The following ETFRF1 variants were observed in gnomAD, a reference collection of about 807,000 sequenced individuals.
ETFRF1 encodes LYR motif containing 5.
In ETFRF1, 12 loss-of-function variants were observed where a neutral mutation model predicts 9.0. The ratio of observed to expected loss-of-function variants is 1.34; its 90% CI spans 0.86 to 2.16. The LOEUF (loss-of-function observed/expected upper bound fraction) is 2.16. ETFRF1 is among the 30% of genes most tolerant of loss of function. ETFRF1 has a pLI of 0.00. For missense variants in ETFRF1, 98 were observed against 101.8 expected, an observed-to-expected ratio of 0.96 and a Z score of 0.16; for synonymous variants, 34 against 33.2, an observed-to-expected ratio of 1.02 and a Z score of -0.08.
At chr12:25,202,561 G>T (rs1354917914) in intron 1 of ETFRF1, among the ~76,000 whole-genome samples, 3 of 152,088 alleles carry the variant, frequency 2.0e-5, no homozygotes, top group Admixed American at 2.0e-4. Flanking sequence ...TTGAGCCCAA[G>T]AAGGGTAGGT....
chr12:25,204,725 A>AT lies in ETFRF1; in HGVS notation c.*419dup, dbSNP rs375424403. The AT allele has an allele frequency of 4.0e-3, 744 of 183,842 alleles. 9 individuals are homozygous for AT. Among genetic ancestry groups the AT allele is most frequent in the African/African-American group, 0.017 (706 of 42,676 alleles). 11.4% of individuals were successfully genotyped at this position (183,842 alleles called of 1,614,324 possible). A position where few individuals can be genotyped will look rare whatever the true frequency, so the allele number is the denominator to read the frequency against. On this transcript the variant is annotated 3_prime_UTR_variant, in exon 3 of 3. Coordinates refer to ENST00000381356, the MANE Select transcript of ETFRF1 (RefSeq NM_001001660.3). ...TCTTAACTTTTGAAAGGAATCCCTT[A>AT]TTTTTTCACCCAATTTGGTATATTA...
chr12:25,200,211 TA>T (rs137955248), intron 1 of ETFRF1, among the ~76,000 whole-genome samples: 9,443 of 147,412 alleles, frequency 0.064, 388 homozygotes, highest in Non-Finnish European at 0.095. Context: ...ACTCCATGCT[TA>T]AAAAAAAAAG....
At chr12:25,195,396 G>A (rs747016281) in intron 1 of ETFRF1, 59 bp downstream of exon 1, 57 of 553,560 alleles carry the variant, frequency 1.0e-4, no homozygotes, top group Non-Finnish European at 1.7e-4. Context: ...GGGGTCTGGA[G>A]GCGAAATATG....
chr12:25,195,707 G>C (rs1418101280), intron 1 of ETFRF1: 1 of 153,318 alleles, frequency 6.5e-6, no homozygotes, highest in Non-Finnish European at 1.5e-5. Context: ...TTTCTGTGCA[G>C]CGTACGCGTC....
Position 25,201,369 on chromosome 12 carries a change from T to C in ETFRF1, c.-37-2551T>C, listed in dbSNP as rs909940273. The stretch of plus-strand genomic sequence containing the variant: ...TGTTTGGCTTTAATTAACAGCAGCA[T>C]TGTTGCCCTTTTCCTTGCTAGATTC... On this transcript the variant is annotated intron_variant, in intron 1 of 2. Transcript: ENST00000381356. Among the ~76,000 whole-genome samples the C allele has an allele frequency of 7.2e-5, 11 of 152,308 alleles. No homozygotes were observed. The East Asian group carries it at 7.7e-4, about 11-fold the overall frequency.
intron 1 of ETFRF1, among the ~76,000 whole-genome samples, chr12:25,200,475 A>G (rs996064012): frequency 1.3e-5 from 2 of 152,238 alleles, no homozygotes; most frequent in Non-Finnish European, 2.9e-5. Flanking sequence ...ATCTTCATGG[A>G]GAAGATTCTG....
Position 25,204,225 on chromosome 12 carries a change from A to T in ETFRF1, c.186A>T (p.Val62=). 6 of 1,612,340 alleles carry T rather than the reference A, an allele frequency of 3.7e-6. No individual in the cohort carries two copies. The highest frequency in any genetic ancestry group is 5.1e-6 in the Non-Finnish European group (6 of 1,179,408). Residue 62 remains valine (V), a synonymous_variant, in exon 3 of 3, where the codon GTA becomes GTT. Transcript: ENST00000381356. ...AACTTATTGCACAGGGCGAATTTGT[A>T]ATGAAAGAGCTAGAAGCTTTGTACT... ...IKELIAQGEF[V]MKELEALYFL...
intron 1 of ETFRF1, among the ~76,000 whole-genome samples, chr12:25,197,262 G>A (rs2141465778): frequency 6.6e-6 from 1 of 152,224 alleles, no homozygotes; most frequent in Middle Eastern, 3.4e-3. Context: ...AGTGTTTTAT[G>A]ATACATAATT....
rs1372580810 is a variant in ETFRF1 at position 25,195,262 on chromosome 12, A to G, written c.-113A>G. 1.1e-5 allele frequency: 7 copies of G among 660,458 alleles called. No individual in the cohort carries two copies. Among genetic ancestry groups the G allele is most frequent in the Admixed American group, 4.6e-5 (2 of 43,854 alleles). The allele number at this position is 660,458 out of a possible 1,614,324, so 40.9% of individuals were successfully genotyped here. A position where few individuals can be genotyped will look rare whatever the true frequency, so the allele number is the denominator to read the frequency against. ...ACTGACAGGTTGCCCACCTCCCCCA[A>G]CGCCACCCCGCTTCGCAGTAGACGG... On this transcript the variant is annotated 5_prime_UTR_variant, in exon 1 of 3. Coordinates refer to ENST00000381356, the MANE Select transcript of ETFRF1 (RefSeq NM_001001660.3).
At chr12:25,200,355 A>T (rs1320953893) in intron 1 of ETFRF1, among the ~76,000 whole-genome samples, 1 of 152,206 alleles carries the variant, frequency 6.6e-6, no homozygotes, top group Non-Finnish European at 1.5e-5. Context: ...ATCATTTAAA[A>T]TTTTTTCCCA....
chr12:25,204,144 T>TC lies in ETFRF1; in HGVS notation c.105_106insC (p.Lys37GlufsTer6). On this transcript the variant is annotated frameshift_variant, in exon 3 of 3. Coordinates refer to ENST00000381356, the MANE Select transcript of ETFRF1 (RefSeq NM_001001660.3). ...AAGGAGCAGACTATTTTAAAAAGCG[T>TC]TTGAAGAACATTTTCCTTAAAAACA... 6.2e-7 allele frequency: 1 copy of TC among 1,610,944 alleles called. No individual in the cohort carries two copies. Among genetic ancestry groups the TC allele is most frequent in the Admixed American group, 1.7e-5 (1 of 59,502 alleles).
intron 1 of ETFRF1, among the ~76,000 whole-genome samples, chr12:25,203,382 T>C (rs945310099): frequency 6.6e-6 from 1 of 152,224 alleles, no homozygotes; most frequent in Non-Finnish European, 1.5e-5. Flanking sequence ...CCATCTACTA[T>C]TCCAACCTGC....
chr12:25,199,371 TAAC>T (rs1951056369), intron 1 of ETFRF1, among the ~76,000 whole-genome samples: 1 of 149,242 alleles, frequency 6.7e-6, no homozygotes, highest in African/African-American at 2.5e-5. Context: ...ATATAGTACA[TAAC>T]TATATATGTA....
intron 1 of ETFRF1, among the ~76,000 whole-genome samples, chr12:25,201,219 A>T (rs930314492): frequency 6.6e-6 from 1 of 152,192 alleles, no homozygotes; most frequent in Admixed American, 6.5e-5. Context: ...TCAGGTATCA[A>T]TTCTACACTT....
At chr12:25,202,015 T>C (rs1951077002) in intron 1 of ETFRF1, among the ~76,000 whole-genome samples, 2 of 129,882 alleles carry the variant, frequency 1.5e-5, no homozygotes, top group African/African-American at 2.9e-5. Flanking sequence ...GGTGAGGAGA[T>C]CAAGACCATC....
chr12:25,202,348 A>G (rs1951081548), intron 1 of ETFRF1, among the ~76,000 whole-genome samples: 1 of 151,898 alleles, frequency 6.6e-6, no homozygotes, highest in South Asian at 2.1e-4. Context: ...AAAGGCTGGC[A>G]AGGTAGTAGC....
rs115852885 is a variant in ETFRF1 at position 25,203,364 on chromosome 12, C to T, written c.-37-556C>T. Among the ~76,000 whole-genome samples the T allele has an allele frequency of 4.3e-3, 655 of 152,328 alleles. 5 individuals are homozygous for T. Among genetic ancestry groups the T allele is most frequent in the African/African-American group, 0.015 (635 of 41,584 alleles). ...TTCATTTGGCCTCTTCACCACCAAT[C>T]TTACTGCCCATCTACTATTCCAACC... On this transcript the variant is annotated intron_variant, in intron 1 of 2. Coordinates refer to ENST00000381356, the MANE Select transcript of ETFRF1 (RefSeq NM_001001660.3).
At chr12:25,196,521 G>A (rs1009939901) in intron 1 of ETFRF1, among the ~76,000 whole-genome samples, 4 of 152,134 alleles carry the variant, frequency 2.6e-5, no homozygotes, top group African/African-American at 9.7e-5. Flanking sequence ...ATAACCCCCA[G>A]TAAAATGACA....
At chr12:25,200,100 C>T (rs4494384) in intron 1 of ETFRF1, among the ~76,000 whole-genome samples, 74,752 of 151,808 alleles carry the variant, frequency 0.49, 19,336 homozygotes, top group East Asian at 0.8. Flanking sequence ...ATTCCAGCTA[C>T]TTGGGAGGCT....
Sources: gnomAD v4.1 joint callset for allele counts (sites outside exome capture counted in the v4.1 genomes callset) on GRCh38, gnomAD v4.1.1 for gene constraint, MANE v1.5 for transcripts, NCBI Gene and HGNC (gene_info 2026-07-23, HGNC 2026-07-21) for gene names.